The following LARGE1 variants were observed in gnomAD, a reference collection of about 807,000 sequenced individuals.
LARGE1 encodes the protein xylosyl- and glucuronyltransferase LARGE1.
In LARGE1, 43 loss-of-function variants were observed where a neutral mutation model predicts 87.6. The ratio of observed to expected loss-of-function variants is 0.49; its 90% CI spans 0.38 to 0.63. The LOEUF (loss-of-function observed/expected upper bound fraction) is 0.63, where lower values mean the gene tolerates loss of function less well. LARGE1 is among the 30% of genes least tolerant of loss of function. LARGE1 has a pLI of 0.00. For synonymous variants in LARGE1, 434 were observed against 394.6 expected, an observed-to-expected ratio of 1.10 and a Z score of -1.18; for missense variants, 802 against 1,000.2, an observed-to-expected ratio of 0.80 and a Z score of 2.67.
chr22:33,654,242 A>G (rs2080898417), intron 2 of LARGE1, among the ~76,000 whole-genome samples: 1 of 152,218 alleles, frequency 6.6e-6, no homozygotes, highest in African/African-American at 2.4e-5. Flanking sequence ...GCTGTGCCCA[A>G]CTGCTGGCAT....
chr22:33,753,217 A>AT (rs2084386858), intron 2 of LARGE1, among the ~76,000 whole-genome samples: 1 of 150,866 alleles, frequency 6.6e-6, no homozygotes, highest in Non-Finnish European at 1.5e-5. Flanking sequence ...AGACTCCATC[A>AT]CAAAAAAATA....
intron 1 of LARGE1, among the ~76,000 whole-genome samples, chr22:33,872,137 C>A (rs913842230): frequency 1.3e-4 from 20 of 151,954 alleles, no homozygotes; most frequent in Admixed American, 2.6e-4. Context: ...CACTCGCCCA[C>A]CCACAGAGGC....
At chr22:33,540,894 GAGGCGGAGGT>G (rs1386558734) in intron 6 of LARGE1, among the ~76,000 whole-genome samples, 1 of 151,972 alleles carries the variant, frequency 6.6e-6, no homozygotes, top group Non-Finnish European at 1.5e-5. Context: ...AGCACTTTGA[GAGGCGGAGGT>G]AGGCGGATTG....
chr22:33,840,310 C>G (rs1032825824), intron 1 of LARGE1, among the ~76,000 whole-genome samples: 6 of 152,022 alleles, frequency 3.9e-5, no homozygotes, highest in Non-Finnish European at 8.8e-5. Flanking sequence ...TTTTAAAAGA[C>G]AAAAATGGTC....
intron 6 of LARGE1, among the ~76,000 whole-genome samples, chr22:33,536,859 C>T (rs971481735): frequency 4.6e-5 from 7 of 152,136 alleles, no homozygotes; most frequent in Non-Finnish European, 1.0e-4. Context: ...TTGCCCAGGC[C>T]GGAGTGCGAT....
At chr22:33,800,386 C>A (rs1264203905) in intron 1 of LARGE1, among the ~76,000 whole-genome samples, 11 of 152,142 alleles carry the variant, frequency 7.2e-5, no homozygotes, top group Non-Finnish European at 7.3e-5. Flanking sequence ...AGACCACAGA[C>A]CTTATTCAGA....
intron 1 of LARGE1, among the ~76,000 whole-genome samples, chr22:33,763,775 T>G (rs534652550): frequency 3.9e-5 from 6 of 151,928 alleles, no homozygotes; most frequent in African/African-American, 1.4e-4. Context: ...AAAGATATTT[T>G]AAGTACATTT....
At chr22:33,190,365 C>T (rs756823779) in intron 11 of LARGE1, among the ~76,000 whole-genome samples, 14 of 152,172 alleles carry the variant, frequency 9.2e-5, no homozygotes, top group Non-Finnish European at 1.9e-4. Context: ...CAGACCACGT[C>T]CTCCTTCTCC....
chr22:33,540,714 T>G (rs545286273), intron 6 of LARGE1, among the ~76,000 whole-genome samples: 1 of 152,240 alleles, frequency 6.6e-6, no homozygotes, highest in African/African-American at 2.4e-5. Context: ...TACCAGAGGT[T>G]CTGACTTGGC....
chr22:33,624,973 C>T (rs2079876735), intron 4 of LARGE1, among the ~76,000 whole-genome samples: 1 of 152,194 alleles, frequency 6.6e-6, no homozygotes, highest in African/African-American at 2.4e-5. Context: ...GAAGGTAGAA[C>T]CAATGACGAA....
At chr22:33,689,973 A>T (rs954661240) in intron 2 of LARGE1, among the ~76,000 whole-genome samples, 2 of 152,086 alleles carry the variant, frequency 1.3e-5, no homozygotes, top group Admixed American at 1.3e-4. Flanking sequence ...AATCTTGTAG[A>T]TACTTATAAT....
At chr22:33,146,559 T>G in the LARGE1 span, among the ~76,000 whole-genome samples, 11 of 152,162 alleles carry the variant, frequency 7.2e-5, no homozygotes, top group Admixed American at 7.2e-4. Flanking sequence ...TCTCCATTTC[T>G]TCCTTTGCAG....
intron 1 of LARGE1, among the ~76,000 whole-genome samples, chr22:33,875,274 C>T (rs547131417): frequency 4.6e-5 from 7 of 152,306 alleles, no homozygotes; most frequent in South Asian, 2.1e-4. Context: ...AGGCAGGCTG[C>T]GGGAACTGCC....
chr22:33,859,997 T>C (rs1203562991), intron 1 of LARGE1, among the ~76,000 whole-genome samples: 1 of 152,164 alleles, frequency 6.6e-6, no homozygotes, highest in Admixed American at 6.5e-5. Context: ...GTTCAAAGGA[T>C]GCACAATTTC....
intron 2 of LARGE1, among the ~76,000 whole-genome samples, chr22:33,723,044 C>T (rs372091595): frequency 6.6e-6 from 1 of 152,154 alleles, no homozygotes; most frequent in Non-Finnish European, 1.5e-5. Flanking sequence ...AGCCTTTGAA[C>T]AGGGAGTGGC....
At chr22:33,275,121 A>G (rs1602192766) in intron 14 of LARGE1, among the ~76,000 whole-genome samples, 2 of 152,324 alleles carry the variant, frequency 1.3e-5, no homozygotes, top group Admixed American at 1.3e-4. Context: ...GGAATGAGAG[A>G]CCAGATGAAA....
At chr22:33,684,975 T>C (rs1458350896) in intron 2 of LARGE1, among the ~76,000 whole-genome samples, 3 of 152,122 alleles carry the variant, frequency 2.0e-5, no homozygotes, top group East Asian at 3.9e-4. Flanking sequence ...TTCAGGTGTA[T>C]GGGGGGTGGA....
At chr22:33,361,876 C>A (rs8135033) in intron 9 of LARGE1, among the ~76,000 whole-genome samples, 11,528 of 148,882 alleles carry the variant, frequency 0.077, 1,828 homozygotes, top group African/African-American at 0.26. Flanking sequence ...TTTCTGAGAG[C>A]AGGAACCATG....
intron 1 of LARGE1, among the ~76,000 whole-genome samples, chr22:33,844,722 C>CTT (rs748137716): frequency 3.5e-5 from 5 of 142,342 alleles, no homozygotes; most frequent in Non-Finnish European, 6.2e-5. Context: ...GGTTTCCAAA[C>CTT]TTTTTTTTTT....
Sources: allele counts gnomAD v4.1 joint callset (sites outside exome capture counted in the v4.1 genomes callset), GRCh38; gene constraint gnomAD v4.1.1; transcripts MANE v1.5; gene names NCBI Gene and HGNC (gene_info 2026-07-23, HGNC 2026-07-21).